The following DYRK1A variants were observed in gnomAD, a reference collection of about 807,000 sequenced individuals.
The protein encoded by DYRK1A is dual specificity tyrosine phosphorylation regulated kinase 1A.
DYRK1A carries 9 observed loss-of-function variants against 79.7 expected under a neutral mutation model. That is an observed-to-expected ratio of 0.11 (90% CI 0.07 to 0.20). The LOEUF is 0.20. Among genes scored for constraint, DYRK1A ranks in the 10% least tolerant of loss-of-function variants. DYRK1A has a pLI of 1.00. For missense variants in DYRK1A, 622 were observed against 956.0 expected, an observed-to-expected ratio of 0.65 and a Z score of 4.61; for synonymous variants, 349 against 329.7, an observed-to-expected ratio of 1.06 and a Z score of -0.63.
intron 9 of DYRK1A, among the ~76,000 whole-genome samples, chr21:37,496,859 C>CT (rs1475267917): frequency 1.3e-5 from 2 of 152,012 alleles, no homozygotes; most frequent in Non-Finnish European, 2.9e-5. Context: ...TAGTAATTTT[C>CT]TTTTATCTGA....
At chr21:37,451,156 T>C (rs906536479) in intron 2 of DYRK1A, among the ~76,000 whole-genome samples, 2 of 152,198 alleles carry the variant, frequency 1.3e-5, no homozygotes, top group African/African-American at 2.4e-5. Flanking sequence ...TAAGCTGTTA[T>C]TACAAAAGAA....
At chr21:37,459,134 A>G (rs2051756934) in intron 2 of DYRK1A, among the ~76,000 whole-genome samples, 1 of 152,226 alleles carries the variant, frequency 6.6e-6, no homozygotes, top group African/African-American at 2.4e-5. Flanking sequence ...GATAACCTTA[A>G]GCTGTGGTCA....
At chr21:37,398,405 G>T (rs1312768084) in intron 1 of DYRK1A, among the ~76,000 whole-genome samples, 2 of 151,648 alleles carry the variant, frequency 1.3e-5, no homozygotes, top group African/African-American at 4.8e-5. Flanking sequence ...TGTTTGGCAA[G>T]ATTTTGTGTA....
chr21:37,488,717 T>C (rs1283640301), intron 6 of DYRK1A: 1 of 985,286 alleles, frequency 1.0e-6, no homozygotes, highest in Non-Finnish European at 1.2e-6. Flanking sequence ...AGTAGATCTT[T>C]CATTGGACGA....
At position 37,518,431 on chromosome 21, in the gene DYRK1A, T is replaced by G. The variant is rs901684504; in HGVS notation, c.*5900T>G. On this transcript the variant is annotated 3_prime_UTR_variant, in exon 12 of 12. Transcript: ENST00000647188. ...TGTCCAGCCTTGCTGCACACTAAAC[T>G]CATCTGTAGAACTTTATAAAACCAC... is the stretch of plus-strand genomic sequence containing the variant. 3 of 152,122 alleles carry G rather than the reference T, an allele frequency of 2.0e-5. No individual in the cohort carries two copies. The highest frequency in any genetic ancestry group is 7.2e-5 in the African/African-American group (3 of 41,418). The allele number at this position is 152,122 out of a possible 1,614,324, so 9.4% of individuals were successfully genotyped here.
intron 2 of DYRK1A, among the ~76,000 whole-genome samples, chr21:37,449,629 A>T (rs1416139249): frequency 6.6e-6 from 1 of 152,212 alleles, no homozygotes; most frequent in Non-Finnish European, 1.5e-5. Context: ...GCCTTTGGTT[A>T]TCAATTAGCA....
At chr21:37,371,043 A>G (rs1403152598) in intron 1 of DYRK1A, among the ~76,000 whole-genome samples, 1 of 152,224 alleles carries the variant, frequency 6.6e-6, no homozygotes, top group Admixed American at 6.5e-5. Flanking sequence ...CTTTGGATTA[A>G]AAAGTTTGGA....
At chr21:37,493,348 TAGG>T (rs1349683619) in intron 8 of DYRK1A, among the ~76,000 whole-genome samples, 185 bp downstream of exon 8, 1 of 152,220 alleles carries the variant, frequency 6.6e-6, no homozygotes, top group Non-Finnish European at 1.5e-5. Context: ...AATTATGAGA[TAGG>T]AGTAGGATAT....
chr21:37,441,658 ATTC>A (rs1681865998), intron 2 of DYRK1A, among the ~76,000 whole-genome samples: 1 of 152,118 alleles, frequency 6.6e-6, no homozygotes, highest in Non-Finnish European at 1.5e-5. Flanking sequence ...ATACCATAGT[ATTC>A]TTCTATTTCT....
chr21:37,463,187 GTGTT>G (rs917947480), intron 2 of DYRK1A, among the ~76,000 whole-genome samples: 4 of 128,418 alleles, frequency 3.1e-5, no homozygotes, highest in African/African-American at 1.2e-4. Flanking sequence ...GTGTGTGTGT[GTGTT>G]TAATGTTGGC....
At chr21:37,480,185 TC>T (rs2052586541) in intron 4 of DYRK1A, among the ~76,000 whole-genome samples, 1 of 152,166 alleles carries the variant, frequency 6.6e-6, no homozygotes, top group African/African-American at 2.4e-5. Flanking sequence ...GGAATTTATA[TC>T]AATAAATTCC....
intron 2 of DYRK1A, chr21:37,464,206 A>G (rs2051947538): frequency 2.0e-5 from 9 of 441,086 alleles, no homozygotes; most frequent in Non-Finnish European, 3.1e-5. Flanking sequence ...GTTTACCACT[A>G]TCTTTTTGAA....
rs2079090132 is a variant in DYRK1A, at chr21:37,512,620, G to A, written c.*89G>A. ...ACAAAGTGCAAAGCTGCTTGAATCA[G>A]GAGGAGATTAACACACTGAACCGCT... On this transcript the variant is annotated 3_prime_UTR_variant, in exon 12 of 12. Transcript: ENST00000647188. 2 of 1,487,506 alleles carry A rather than the reference G, an allele frequency of 1.3e-6. No homozygotes were observed. Among genetic ancestry groups the A allele is most frequent in the Non-Finnish European group, 1.8e-6 (2 of 1,099,544 alleles). 92.1% of individuals were successfully genotyped at this position (1,487,506 alleles called of 1,614,324 possible).
At chr21:37,500,486 C>T (rs2053408741) in intron 9 of DYRK1A, among the ~76,000 whole-genome samples, 2 of 151,978 alleles carry the variant, frequency 1.3e-5, no homozygotes, top group Non-Finnish European at 2.9e-5. Context: ...ACTTGTGAAA[C>T]TATTAGGAAA....
chr21:37,489,359 TGTTAATA>T, intron 6 of DYRK1A, among the ~76,000 whole-genome samples: 1 of 152,222 alleles, frequency 6.6e-6, no homozygotes, highest in Non-Finnish European at 1.5e-5. Flanking sequence ...GTGACGTCAG[TGTTAATA>T]GTTAAAGCAC....
chr21:37,508,138 G>A (rs1045483048), intron 11 of DYRK1A, among the ~76,000 whole-genome samples: 1 of 152,084 alleles, frequency 6.6e-6, no homozygotes, highest in Non-Finnish European at 1.5e-5. Flanking sequence ...ATCTTAATAC[G>A]TTTTTATTCT....
intron 9 of DYRK1A, among the ~76,000 whole-genome samples, chr21:37,499,869 T>TA (rs2053387170): frequency 6.6e-6 from 1 of 152,148 alleles, no homozygotes; most frequent in Admixed American, 6.5e-5. Flanking sequence ...TTCTGACAAA[T>TA]AGAGTCAGCC....
At chr21:37,508,556 G>A (rs1464894442) in intron 11 of DYRK1A, among the ~76,000 whole-genome samples, 1 of 152,134 alleles carries the variant, frequency 6.6e-6, no homozygotes. Context: ...CAAAGTGTGG[G>A]GATTACAGGC....
At chr21:37,414,277 T>A (rs1382335821) in intron 1 of DYRK1A, among the ~76,000 whole-genome samples, 1 of 152,038 alleles carries the variant, frequency 6.6e-6, no homozygotes, top group Non-Finnish European at 1.5e-5. Context: ...GGGGAAATGG[T>A]AGATTCAGTT....
Sources: allele counts gnomAD v4.1 joint callset (sites outside exome capture counted in the v4.1 genomes callset), GRCh38; gene constraint gnomAD v4.1.1; transcripts MANE v1.5; gene names NCBI Gene and HGNC (gene_info 2026-07-23, HGNC 2026-07-21).